Variants in WWOX observed in about 807,000 individuals in gnomAD.
WWOX encodes WW domain containing oxidoreductase.
WWOX carries 69 observed loss-of-function variants against 46.2 expected under a neutral mutation model. The observed-to-expected ratio is 1.49, with a 90% confidence interval of 1.23 to 1.82. The LOEUF (loss-of-function observed/expected upper bound fraction) is 1.82. Among genes scored for constraint, WWOX ranks in the 40% most tolerant of loss-of-function variants. The pLI, the probability that WWOX is intolerant of heterozygous loss-of-function variation, is 0.00. For missense variants in WWOX, 919 were observed against 542.6 expected (o/e 1.69, Z -6.89); for synonymous variants, 359 against 202.6 (o/e 1.77, Z -6.56).
At chr16:79,086,410 T>C (rs2048854752) in intron 8 of WWOX, among the ~76,000 whole-genome samples, 2 of 152,248 alleles carry the variant, frequency 1.3e-5, no homozygotes, top group African/African-American at 4.8e-5. Flanking sequence ...TGTTTCTTGA[T>C]ACATTTTGAG....
At chr16:78,736,558 T>TC (rs2049096643) in intron 8 of WWOX, among the ~76,000 whole-genome samples, 1 of 150,512 alleles carries the variant, frequency 6.6e-6, no homozygotes, top group African/African-American at 2.5e-5. Flanking sequence ...GTTTTCCTTT[T>TC]CTTCTCTTCT....
intron 5 of WWOX, among the ~76,000 whole-genome samples, chr16:78,173,071 G>A (rs1797677621): frequency 6.6e-6 from 1 of 152,204 alleles, no homozygotes; most frequent in Non-Finnish European, 1.5e-5. Context: ...AGAAACAACT[G>A]TAGATGAAGC....
rs561304972 is a variant in WWOX at position 78,312,381 on chromosome 16, C to CTTTTTTT, written c.517-74472_517-74466dup. ...GCCAGCTGGAGTTGTAGGTCTAATT[C>CTTTTTTT]TTTTTTTTTTTTTAAGACGGAGTTG... On this transcript the variant is annotated intron_variant, in intron 5 of 8. Transcript: ENST00000566780. Among the ~76,000 whole-genome samples, 1,195 of 132,804 alleles carry CTTTTTTT rather than the reference C, an allele frequency of 9.0e-3. 29 individuals are homozygous for CTTTTTTT. The highest frequency in any genetic ancestry group is 0.03 in the African/African-American group (1,055 of 35,338). 87.1% of individuals were successfully genotyped at this position (132,804 alleles called of 152,430 possible). A position where few individuals can be genotyped will look rare whatever the true frequency, so the allele number is the denominator to read the frequency against.
intron 8 of WWOX, among the ~76,000 whole-genome samples, chr16:78,894,143 A>G (rs765937089): frequency 4.6e-5 from 7 of 151,686 alleles, no homozygotes; most frequent in East Asian, 3.9e-4. Context: ...GGCTCAAGCA[A>G]TCCTCCCACC....
At chr16:78,335,873 C>T (rs1214164502) in intron 5 of WWOX, among the ~76,000 whole-genome samples, 1 of 152,130 alleles carries the variant, frequency 6.6e-6, no homozygotes, top group East Asian at 1.9e-4. Flanking sequence ...GGGTGGATCG[C>T]TTGAGGCCAG....
chr16:78,739,619 T>C (rs2142411105), intron 8 of WWOX, among the ~76,000 whole-genome samples: 1 of 152,288 alleles, frequency 6.6e-6, no homozygotes, highest in South Asian at 2.1e-4. Flanking sequence ...AAGACCAGCC[T>C]GGCTAACACG....
intron 8 of WWOX, among the ~76,000 whole-genome samples, chr16:78,906,257 G>A (rs1333422855): frequency 6.6e-6 from 1 of 152,162 alleles, no homozygotes; most frequent in Non-Finnish European, 1.5e-5. Context: ...TCTCCACAAG[G>A]AAGAAGTAGG....
chr16:78,726,894 C>G (rs1267974075), intron 8 of WWOX, among the ~76,000 whole-genome samples: 1 of 152,170 alleles, frequency 6.6e-6, no homozygotes, highest in African/African-American at 2.4e-5. Flanking sequence ...GAAATGGTCA[C>G]TGGGTATCAT....
At chr16:78,626,136 T>A (rs72805034) in intron 8 of WWOX, among the ~76,000 whole-genome samples, 8,575 of 151,982 alleles carry the variant, frequency 0.056, 309 homozygotes, top group Non-Finnish European at 0.074. Context: ...TTATTTATTT[T>A]TTTTTTCTTT....
At chr16:78,754,374 G>A (rs1414993503) in intron 8 of WWOX, among the ~76,000 whole-genome samples, 1 of 152,092 alleles carries the variant, frequency 6.6e-6, no homozygotes, top group Non-Finnish European at 1.5e-5. Flanking sequence ...TCTTATTATT[G>A]AACTGGTGAA....
rs758601439 is a variant in WWOX at position 79,211,850 on chromosome 16, G to C, written c.*54G>C. 8.7e-6 allele frequency: 14 copies of C among 1,608,606 alleles called. No individual in the cohort carries two copies. Among genetic ancestry groups the C allele is most frequent in the East Asian group, 2.2e-5 (1 of 44,734 alleles). On this transcript the variant is annotated 3_prime_UTR_variant, in exon 9 of 9. Coordinates refer to ENST00000566780, the MANE Select transcript of WWOX (RefSeq NM_016373.4). ...ACCCGCCCTGTGTGTGTCCCCTCAC[G>C]CAAGTGCCAGGGCTGGGCCCCTTCC...
chr16:78,975,249 C>T (rs1273932629), intron 8 of WWOX, among the ~76,000 whole-genome samples: 1 of 152,122 alleles, frequency 6.6e-6, no homozygotes, highest in African/African-American at 2.4e-5. Context: ...CTTTTGCACC[C>T]AGGGAAGGTG....
chr16:78,786,446 G>A (rs575066297), intron 8 of WWOX, among the ~76,000 whole-genome samples: 3 of 152,288 alleles, frequency 2.0e-5, no homozygotes, highest in South Asian at 2.1e-4. Context: ...ACAGTAAAAT[G>A]TAGTAAAACA....
chr16:79,114,114 T>A (rs554445947), intron 8 of WWOX, among the ~76,000 whole-genome samples: 2 of 152,270 alleles, frequency 1.3e-5, no homozygotes, highest in African/African-American at 2.4e-5. Flanking sequence ...AGAGCCAGGA[T>A]TTGAACCCAG....
chr16:78,256,956 G>A (rs1380365578), intron 5 of WWOX, among the ~76,000 whole-genome samples: 1 of 152,058 alleles, frequency 6.6e-6, no homozygotes, highest in African/African-American at 2.4e-5. Context: ...GAGTCAGACA[G>A]GTCTAGATGC....
At chr16:78,445,499 G>A (rs2083539159) in intron 8 of WWOX, among the ~76,000 whole-genome samples, 1 of 152,188 alleles carries the variant, frequency 6.6e-6, no homozygotes, top group African/African-American at 2.4e-5. Flanking sequence ...GCATGGAAAT[G>A]AAGAGACAAA....
In WWOX at chr16:78,548,177, A is replaced by ATTCAAC. The variant is rs1453395243; in HGVS notation, c.1056+115425_1056+115426insTTCAAC. Among the ~76,000 whole-genome samples the ATTCAAC allele has an allele frequency of 2.1e-3, 203 of 95,126 alleles. 58 individuals are homozygous for ATTCAAC. Among genetic ancestry groups the ATTCAAC allele is most frequent in the Admixed American group, 2.8e-3 (21 of 7,536 alleles). The allele number at this position is 95,126 out of a possible 152,430, so 62.4% of individuals were successfully genotyped here. A position where few individuals can be genotyped will look rare whatever the true frequency, so the allele number is the denominator to read the frequency against. On this transcript the variant is annotated intron_variant, in intron 8 of 8. Transcript: ENST00000566780. ...CAAAAAAAAAAAAAAAAAAAAAAAA[A>ATTCAAC]ATTACGAATTTTGCGAGGACGCAAA...
At position 78,348,049 on chromosome 16, in the gene WWOX, C is replaced by T. The variant is rs546231132; in HGVS notation, c.517-38811C>T. ...TAAAAATATACCTTTCTGCTTCCAT[C>T]CCCTAACCCACAAAGCTCAAGTCTA... is the stretch of plus-strand genomic sequence containing the variant. On this transcript the variant is annotated intron_variant, in intron 5 of 8. Transcript: ENST00000566780. 2.0e-4 allele frequency among the ~76,000 whole-genome samples: 25 copies of T among 122,516 alleles called. 7 individuals carry two copies. Among genetic ancestry groups the T allele is most frequent in the African/African-American group, 6.9e-4 (25 of 36,308 alleles). 80.4% of individuals were successfully genotyped at this position (122,516 alleles called of 152,430 possible). A position where few individuals can be genotyped will look rare whatever the true frequency, so the allele number is the denominator to read the frequency against.
chr16:78,974,894 C>G (rs773013358), intron 8 of WWOX, among the ~76,000 whole-genome samples: 7 of 152,152 alleles, frequency 4.6e-5, no homozygotes, highest in Admixed American at 1.3e-4. Context: ...TTGAAATGCT[C>G]AGCTGCAAGT....
Sources: allele counts gnomAD v4.1 joint callset (sites outside exome capture counted in the v4.1 genomes callset), GRCh38; gene constraint gnomAD v4.1.1; transcripts MANE v1.5; gene names NCBI Gene and HGNC (gene_info 2026-07-23, HGNC 2026-07-21).